SNTG1: variants seen among roughly 807,000 people sequenced by gnomAD.
SNTG1 encodes the protein syntrophin gamma 1, also known as gamma-1-syntrophin.
In SNTG1, 39 loss-of-function variants were observed where a neutral mutation model predicts 74.7. The observed-to-expected ratio is 0.52, with a 90% CI of 0.40 to 0.68. The LOEUF is 0.68. Among genes scored for constraint, SNTG1 ranks in the 30% least tolerant of loss-of-function variants. The pLI is 0.00. For missense variants in SNTG1, 685 were observed against 609.5 expected (o/e 1.12, Z -1.30); for synonymous variants, 254 against 217.1 (o/e 1.17, Z -1.49).
chr8:49,951,460 T>C (rs1026103075), intron 1 of SNTG1, among the ~76,000 whole-genome samples: 4 of 151,416 alleles, frequency 2.6e-5, no homozygotes, highest in African/African-American at 7.3e-5. Flanking sequence ...AACCAGGAAA[T>C]GGCAGTGCTG....
intron 1 of SNTG1, among the ~76,000 whole-genome samples, chr8:49,964,652 G>A (rs900559733): frequency 9.2e-5 from 14 of 152,150 alleles, no homozygotes; most frequent in Admixed American, 9.2e-4. Flanking sequence ...GAACAGGTGC[G>A]TTCTACTCAC....
chr8:50,677,127 A>C (rs2095312462), intron 15 of SNTG1, among the ~76,000 whole-genome samples: 1 of 151,976 alleles, frequency 6.6e-6, no homozygotes, highest in Admixed American at 6.6e-5. Flanking sequence ...ATGTTGCAGA[A>C]ATTTGTTCCC....
chr8:50,548,345 G>A (rs966830613), intron 11 of SNTG1, among the ~76,000 whole-genome samples: 6 of 152,158 alleles, frequency 3.9e-5, no homozygotes, highest in African/African-American at 1.2e-4. Flanking sequence ...AATTGGAAGG[G>A]CTAAGAAAGA....
At chr8:50,414,759 G>T (rs1287189246) in intron 4 of SNTG1, among the ~76,000 whole-genome samples, 1 of 152,118 alleles carries the variant, frequency 6.6e-6, no homozygotes, top group Non-Finnish European at 1.5e-5. Context: ...GTGTGCGTGT[G>T]TGGGTGTGTT....
intron 1 of SNTG1, among the ~76,000 whole-genome samples, chr8:50,081,918 A>G (rs1401314905): frequency 6.6e-6 from 1 of 152,200 alleles, no homozygotes; most frequent in African/African-American, 2.4e-5. Context: ...GGCGTGAGCC[A>G]TTGCACCCAG....
chr8:50,562,136 C>T (rs2094492207), intron 12 of SNTG1, among the ~76,000 whole-genome samples: 2 of 152,306 alleles, frequency 1.3e-5, no homozygotes, highest in South Asian at 2.1e-4. Flanking sequence ...GACATTTTAT[C>T]TTGGTTTCAT....
intron 1 of SNTG1, among the ~76,000 whole-genome samples, chr8:49,927,757 A>G (rs765469820): frequency 2.0e-5 from 3 of 152,094 alleles, no homozygotes; most frequent in African/African-American, 4.8e-5. Context: ...AATAGTGGAC[A>G]AAAGTCATTA....
intron 15 of SNTG1, among the ~76,000 whole-genome samples, chr8:50,674,151 C>T (rs999227464): frequency 3.3e-5 from 5 of 151,952 alleles, no homozygotes; most frequent in Non-Finnish European, 7.4e-5. Context: ...TTTATTGTGT[C>T]TCTTTCCAGT....
intron 18 of SNTG1, among the ~76,000 whole-genome samples, chr8:50,788,595 C>T (rs1429226734): frequency 2.0e-5 from 3 of 151,940 alleles, no homozygotes; most frequent in South Asian, 2.1e-4. Context: ...CAAAAAATTG[C>T]GGTCTCAGGC....
intron 2 of SNTG1, among the ~76,000 whole-genome samples, chr8:50,386,382 A>G (rs1474558826): frequency 6.6e-6 from 1 of 151,916 alleles, no homozygotes; most frequent in Non-Finnish European, 1.5e-5. Flanking sequence ...TCTTTAATTC[A>G]TATTTAGTTC....
chr8:49,917,173 T>C (rs1019810136), intron 1 of SNTG1, among the ~76,000 whole-genome samples: 9 of 152,286 alleles, frequency 5.9e-5, no homozygotes, highest in African/African-American at 1.9e-4. Context: ...AGGTTCAACA[T>C]GGTTTGTCAT....
At chr8:50,012,189 A>C (rs1289440213) in intron 1 of SNTG1, among the ~76,000 whole-genome samples, 1 of 152,174 alleles carries the variant, frequency 6.6e-6, no homozygotes, top group Non-Finnish European at 1.5e-5. Flanking sequence ...CTTACACCAC[A>C]TGAGCACATT....
At chr8:50,315,858 G>T (rs2090297280) in intron 2 of SNTG1, among the ~76,000 whole-genome samples, 1 of 152,106 alleles carries the variant, frequency 6.6e-6, no homozygotes. Context: ...CTGAAAGTGT[G>T]CTGATAAGCA....
At chr8:50,736,147 G>C (rs2095528107) in intron 17 of SNTG1, among the ~76,000 whole-genome samples, 1 of 151,910 alleles carries the variant, frequency 6.6e-6, no homozygotes, top group Non-Finnish European at 1.5e-5. Context: ...GGAAAAAACA[G>C]TACCAGCCAC....
At chr8:50,706,929 C>G (rs1462803223) in intron 16 of SNTG1, among the ~76,000 whole-genome samples, 1 of 151,934 alleles carries the variant, frequency 6.6e-6, no homozygotes, top group Admixed American at 6.6e-5. Context: ...TCAAAGTGTT[C>G]CTCATTTAAA....
chr8:50,198,247 C>T (rs1015197655), intron 2 of SNTG1, among the ~76,000 whole-genome samples: 1 of 152,258 alleles, frequency 6.6e-6, no homozygotes, highest in Middle Eastern at 3.4e-3. Flanking sequence ...AGCAGTCTCC[C>T]GGGTTGAATC....
chr8:50,553,009 T>C (rs2094435984), intron 11 of SNTG1, 41 bp from the exon 12 acceptor site: 1 of 1,608,438 alleles, frequency 6.2e-7, no homozygotes, highest in African/African-American at 1.3e-5. Flanking sequence ...AATAGATCAA[T>C]GACATGAGGT....
intron 2 of SNTG1, among the ~76,000 whole-genome samples, chr8:50,334,211 C>G (rs79748760): frequency 1.3e-5 from 2 of 152,124 alleles, no homozygotes; most frequent in African/African-American, 4.8e-5. Flanking sequence ...GCACATTTTT[C>G]TAAATCAAGC....
intron 2 of SNTG1, among the ~76,000 whole-genome samples, chr8:50,262,171 G>T (rs868011944): frequency 6.6e-6 from 1 of 152,100 alleles, no homozygotes; most frequent in Non-Finnish European, 1.5e-5. Context: ...ATGAAAAATA[G>T]CATACTAAGA....
Sources: gnomAD v4.1 joint callset for allele counts (sites outside exome capture counted in the v4.1 genomes callset) on GRCh38, gnomAD v4.1.1 for gene constraint, MANE v1.5 for transcripts, NCBI Gene and HGNC (gene_info 2026-07-23, HGNC 2026-07-21) for gene names.